ZCWPW1: variants seen among roughly 807,000 people sequenced by gnomAD.
ZCWPW1 encodes zinc finger CW-type PWWP domain protein 1.
Under a neutral mutation model 81.3 loss-of-function variants are expected in ZCWPW1, and 56 were observed. The ratio of observed to expected loss-of-function variants is 0.69; its 90% CI spans 0.56 to 0.86. The LOEUF is 0.86. Among genes scored for constraint, ZCWPW1 ranks in the 40% least tolerant of loss-of-function variants. The pLI is 0.00. For missense variants in ZCWPW1, 650 were observed against 769.8 expected (o/e 0.84, Z 1.84); for synonymous variants, 250 against 273.7 (o/e 0.91, Z 0.86).
intron 8 of ZCWPW1, among the ~76,000 whole-genome samples, chr7:100,410,830 G>A (rs1221116779): frequency 6.6e-6 from 1 of 152,102 alleles, no homozygotes; most frequent in Non-Finnish European, 1.5e-5. Flanking sequence ...CCAACCCACT[G>A]CCCACTACCA....
rs368162640 is a variant in ZCWPW1, at chr7:100,417,137, G to C, written c.408C>G (p.Pro136=). 1.2e-6 allele frequency: 2 copies of C among 1,613,890 alleles called. No individual in the cohort carries two copies. Among genetic ancestry groups the C allele is most frequent in the Non-Finnish European group, 1.7e-6 (2 of 1,179,972 alleles). ...LDFAETSCAQ[P]VVSTQSDKEP... is the part of the protein sequence containing the mutation. ...CCTTGTCTGATTGGGTAGATACTAC[G>C]GGCTGGGCACAAGAAGTCTCTGCAA... Residue 136 remains proline (P), a synonymous_variant, in exon 6 of 18, where the codon CCC becomes CCG. Transcript: ENST00000684423.
At chr7:100,402,642 A>G (rs1792163433) in intron 15 of ZCWPW1, 66 bp from the exon 16 acceptor site, 1 of 1,493,346 alleles carries the variant, frequency 6.7e-7, no homozygotes. Context: ...TTAATAGAGA[A>G]GGATGCTACA....
intron 11 of ZCWPW1, 46 bp from the exon 12 acceptor site, chr7:100,406,844 G>T: frequency 6.5e-7 from 1 of 1,547,118 alleles, no homozygotes; most frequent in Non-Finnish European, 8.9e-7. Flanking sequence ...CCTGCTCCCT[G>T]CTTTTCTCCT....
At position 100,406,813 on chromosome 7, in the gene ZCWPW1, G is replaced by T. The variant is rs762302590; in HGVS notation, c.1069-15C>A. 18 of 1,609,804 alleles carry T rather than the reference G, an allele frequency of 1.1e-5. No homozygotes were observed. The highest frequency in any genetic ancestry group is 1.4e-5 in the Non-Finnish European group (17 of 1,176,354). On this transcript the variant is annotated splice_polypyrimidine_tract_variant and intron_variant, in intron 11 of 17. Coordinates refer to ENST00000684423, the MANE Select transcript of ZCWPW1 (RefSeq NM_001386010.1). ...TGGTACTTAGACTGAAATAAAAGAT[G>T]ATCCTGTTACGGACTCCTGTCCTGC... is the stretch of plus-strand genomic sequence containing the variant.
chr7:100,428,238 G>A (rs958587728), intron 1 of ZCWPW1, among the ~76,000 whole-genome samples: 1 of 152,106 alleles, frequency 6.6e-6, no homozygotes, highest in Non-Finnish European at 1.5e-5. Context: ...CCTCAACCCA[G>A]GTTTCCCGCC....
Position 100,420,665 on chromosome 7 carries a change from C to T in ZCWPW1, c.-16G>A, listed in dbSNP as rs374797723. On this transcript the variant is annotated 5_prime_UTR_variant, in exon 3 of 18. Coordinates refer to ENST00000684423, the MANE Select transcript of ZCWPW1 (RefSeq NM_001386010.1). Reference sequence around the variant, plus strand: ...TTGTCATCATTCAGCTTAGAAACTACGCTTTGTGTGCCTCTGTTAGAAAAA... The same window carrying T: ...TTGTCATCATTCAGCTTAGAAACTATGCTTTGTGTGCCTCTGTTAGAAAAA... 5.0e-6 allele frequency: 8 copies of T among 1,613,794 alleles called. No homozygotes were observed. Among genetic ancestry groups the T allele is most frequent in the East Asian group, 2.2e-5 (1 of 44,898 alleles).
chr7:100,407,446 G>A, intron 10 of ZCWPW1, 143 bp from the exon 11 acceptor site: 1 of 706,668 alleles, frequency 1.4e-6, no homozygotes, highest in Non-Finnish European at 2.4e-6. Context: ...AGGCTGGAGT[G>A]CAGTGTTACA....
At position 100,419,303 on chromosome 7, in the gene ZCWPW1, T is replaced by C. The variant is rs956113645; in HGVS notation, c.283-114A>G. 4.5e-6 allele frequency: 4 copies of C among 897,156 alleles called. No individual in the cohort carries two copies. In the Admixed American group the frequency reaches 7.8e-5, roughly 18 times the overall value. 55.6% of individuals were successfully genotyped at this position (897,156 alleles called of 1,614,324 possible). A position where few individuals can be genotyped will look rare whatever the true frequency, so the allele number is the denominator to read the frequency against. ...CAGTAAGTTTATAAGACGGAAGGCATGCAGTCAGCATACCTAAGGAGGCCA... is the reference window on the plus strand; with the variant it reads ...CAGTAAGTTTATAAGACGGAAGGCACGCAGTCAGCATACCTAAGGAGGCCA... On this transcript the variant is annotated intron_variant, in intron 4 of 17. Transcript: ENST00000684423.
chr7:100,409,486 C>A lies in ZCWPW1; in HGVS notation c.813G>T (p.Leu271=). The change falls in exon 9 of 18, where the codon CTG becomes CTT. Residue 271 remains leucine (L), a synonymous_variant. Transcript: ENST00000684423. ...SFPNCGKWRR[L]CGNIDPSVLP... ...GAACTGAGGGGTCAATGTTCCCACA[C>A]AGCCGCCTCCATTTCCCACAGTTTG... The A allele has an allele frequency of 1.2e-6, 2 of 1,614,196 alleles. No individual in the cohort carries two copies. The highest frequency in any genetic ancestry group is 1.7e-5 in the Admixed American group (1 of 60,022).
Position 100,401,998 on chromosome 7 carries a change from T to G in ZCWPW1, c.1518A>C (p.Thr506=), listed in dbSNP as rs1792012025. 1 of 1,613,888 alleles carries G rather than the reference T, an allele frequency of 6.2e-7. No homozygotes were observed. Residue 506 remains threonine, a synonymous_variant, in exon 17 of 18, where the codon ACA becomes ACC. Coordinates refer to ENST00000684423, the MANE Select transcript of ZCWPW1 (RefSeq NM_001386010.1). ...DAGTADGRGR[T]LQRKIMKRSL... ...ATCTCTTCATTATCTTCCTCTGCAG[T>G]GTCCTGCCTCGGCCATCTGCTGTGC...
chr7:100,422,689 T>C (rs970559743), intron 2 of ZCWPW1, among the ~76,000 whole-genome samples: 5 of 152,154 alleles, frequency 3.3e-5, no homozygotes, highest in African/African-American at 1.2e-4. Context: ...AGGTAGTGAG[T>C]ATAGTACCCA....
intron 10 of ZCWPW1, 97 bp from the exon 11 acceptor site, chr7:100,407,400 A>AT (rs2130502952): frequency 5.0e-5 from 57 of 1,142,210 alleles, no homozygotes; most frequent in Non-Finnish European, 5.8e-5. Context: ...GAGCAGTATG[A>AT]TTTTTTTTCT....
rs530353935 is a variant in ZCWPW1 at position 100,416,118 on chromosome 7, G to A, written c.632-21C>T. The A allele has an allele frequency of 8.7e-6, 14 of 1,612,562 alleles. No homozygotes were observed. The African/African-American group carries it at 1.6e-4, about 18-fold the overall frequency. On this transcript the variant is annotated intron_variant, in intron 7 of 17. Coordinates refer to ENST00000684423, the MANE Select transcript of ZCWPW1 (RefSeq NM_001386010.1). ...ATCTTCTGGGAAGAAAAAAGAAAAC[G>A]TGAGGTGGGGAGATGAAGAAGACAA...
At chr7:100,422,934 A>T (rs1167213690) in intron 2 of ZCWPW1, among the ~76,000 whole-genome samples, 3 of 152,232 alleles carry the variant, frequency 2.0e-5, no homozygotes, top group Non-Finnish European at 4.4e-5. Context: ...ATGGCTGCAT[A>T]GTATTCTGTG....
intron 12 of ZCWPW1, among the ~76,000 whole-genome samples, chr7:100,405,311 C>G (rs1302936314): frequency 6.6e-6 from 1 of 151,810 alleles, no homozygotes; most frequent in Non-Finnish European, 1.5e-5. Context: ...GCCTGTAACC[C>G]CAGCTCCTCG....
chr7:100,423,316 T>C (rs771208141), intron 2 of ZCWPW1, among the ~76,000 whole-genome samples: 46 of 152,278 alleles, frequency 3.0e-4, no homozygotes, highest in Non-Finnish European at 5.9e-4. Flanking sequence ...AACTCTTTGT[T>C]CTAAATCTGT....
At chr7:100,416,270 G>C (rs1795195313) in intron 7 of ZCWPW1, 35 bp downstream of exon 7, 1 of 1,607,156 alleles carries the variant, frequency 6.2e-7, no homozygotes, top group Non-Finnish European at 8.5e-7. Flanking sequence ...GCTAGTACTT[G>C]AGCCAGGCTT....
intron 5 of ZCWPW1, among the ~76,000 whole-genome samples, chr7:100,417,622 G>A (rs1164288171): frequency 6.6e-6 from 1 of 151,874 alleles, no homozygotes; most frequent in East Asian, 2.0e-4. Context: ...GGAGGCTGAG[G>A]CAGGAGAATT....
chr7:100,404,289 G>A, intron 13 of ZCWPW1, 45 bp from the exon 14 acceptor site: 1 of 1,579,506 alleles, frequency 6.3e-7, no homozygotes, highest in East Asian at 2.2e-5. Context: ...ACCCTTTCAG[G>A]CGCAGCTTTT....
Sources: allele counts gnomAD v4.1 joint callset (sites outside exome capture counted in the v4.1 genomes callset), GRCh38; gene constraint gnomAD v4.1.1; transcripts MANE v1.5; gene names NCBI Gene and HGNC (gene_info 2026-07-23, HGNC 2026-07-21).